Variants in NECTIN2 observed in about 807,000 individuals in gnomAD.
NECTIN2 encodes nectin-2.
A neutral mutation model predicts 56.9 loss-of-function variants in NECTIN2; 23 were observed. The observed-to-expected ratio is 0.40, with a 90% CI of 0.29 to 0.57. The LOEUF (loss-of-function observed/expected upper bound fraction) is 0.57. Among genes scored for constraint, NECTIN2 ranks in the 20% least tolerant of loss-of-function variants. The probability of loss-of-function intolerance (pLI) is 0.38; values close to 1 mark genes in which losing one functional copy is unlikely to be tolerated. For missense variants in NECTIN2, 587 were observed against 718.3 expected (o/e 0.82, Z 2.09); for synonymous variants, 302 against 313.8 (o/e 0.96, Z 0.40).
In NECTIN2 at chr19:44,873,940, G is replaced by T; in HGVS notation, c.800G>T (p.Gly267Val). ...GACCCTCCTGAAGTGTCCATCTCCG[G>T]CTATGATGACAACTGGTACCTCGGC... is the stretch of plus-strand genomic sequence containing the variant. The part of the protein sequence containing the change: ...VRYPPEVSIS[G>V]YDDNWYLGRT... The change falls in exon 4 of 9, where the codon GGC (glycine) becomes GTC (valine). Residue 267 changes from glycine to valine, a missense_variant. Transcript: ENST00000252483. 6.2e-7 allele frequency: 1 copy of T among 1,613,978 alleles called. No individual in the cohort carries two copies. Among genetic ancestry groups the T allele is most frequent in the Non-Finnish European group, 8.5e-7 (1 of 1,179,926 alleles).
At chr19:44,852,005 A>G (rs1289896187) in intron 1 of NECTIN2, among the ~76,000 whole-genome samples, 3 of 151,954 alleles carry the variant, frequency 2.0e-5, no homozygotes, top group East Asian at 3.9e-4. Context: ...TCCCATTCCA[A>G]GTTCTGAGTG....
chr19:44,867,579 G>T (rs116437673), intron 2 of NECTIN2, among the ~76,000 whole-genome samples: 28 of 152,324 alleles, frequency 1.8e-4, no homozygotes, highest in South Asian at 4.1e-4. Flanking sequence ...TGCAGGGAAG[G>T]CGTCTTAGTC....
chr19:44,856,699 T>A (rs955932726), intron 1 of NECTIN2, among the ~76,000 whole-genome samples: 4 of 152,114 alleles, frequency 2.6e-5, no homozygotes, highest in Non-Finnish European at 5.9e-5. Context: ...TCCCAGCACC[T>A]GGGGAATCTG....
intron 3 of NECTIN2, among the ~76,000 whole-genome samples, chr19:44,873,109 G>C (rs1046254640): frequency 6.6e-6 from 1 of 151,690 alleles, no homozygotes; most frequent in Admixed American, 6.6e-5. Flanking sequence ...TTCCACCACT[G>C]TCCAAAATGA....
intron 2 of NECTIN2, among the ~76,000 whole-genome samples, chr19:44,867,213 G>T (rs1215786024): frequency 6.6e-6 from 1 of 151,976 alleles, no homozygotes; most frequent in African/African-American, 2.4e-5. Flanking sequence ...GTAGAGACGG[G>T]GTTGCACCAT....
intron 1 of NECTIN2, among the ~76,000 whole-genome samples, chr19:44,848,859 C>T (rs190811141): frequency 6.6e-6 from 1 of 152,158 alleles, no homozygotes; most frequent in East Asian, 1.9e-4. Flanking sequence ...CTGCCTCCCC[C>T]GCTTGGCCTC....
At chr19:44,860,955 TAAA>T (rs35454521) in intron 1 of NECTIN2, among the ~76,000 whole-genome samples, 2 of 140,788 alleles carry the variant, frequency 1.4e-5, no homozygotes, top group Admixed American at 7.3e-5. Flanking sequence ...TAAAGCTGTT[TAAA>T]AAAAAAAAAA....
At chr19:44,853,557 C>T (rs1968927460) in intron 1 of NECTIN2, among the ~76,000 whole-genome samples, 2 of 150,424 alleles carry the variant, frequency 1.3e-5, no homozygotes, top group South Asian at 4.2e-4. Flanking sequence ...GCTGCAATCT[C>T]AGCTCACTAC....
Position 44,865,341 on chromosome 19 carries a change from GTGCCACCTGC to G in NECTIN2, c.169_178del (p.Leu57PhefsTer9). On this transcript the variant is annotated frameshift_variant, in exon 2 of 9. Transcript: ENST00000252483. LOFTEE classifies it high-confidence loss of function. This position sits in a 1 kb window ranked among gnomAD's most constrained non-coding sequence, Gnocchi z 5.2. ...AGCTCGGGGGCACCGTGGAGCTGCC[GTGCCACCTGC>G]TGCCACCTGTTCCTGGACTGTACAT... The G allele has an allele frequency of 1.2e-6, 2 of 1,614,104 alleles. No homozygotes were observed. The highest frequency in any genetic ancestry group is 1.7e-6 in the Non-Finnish European group (2 of 1,180,018).
At chr19:44,847,021 C>T (rs924169593) in intron 1 of NECTIN2, among the ~76,000 whole-genome samples, 6 of 152,034 alleles carry the variant, frequency 3.9e-5, no homozygotes, top group Non-Finnish European at 7.4e-5. Flanking sequence ...GGGGAATGTT[C>T]CCCCCACCTA....
At chr19:44,861,729 G>A (rs1969033575) in intron 1 of NECTIN2, among the ~76,000 whole-genome samples, 1 of 152,158 alleles carries the variant, frequency 6.6e-6, no homozygotes, top group Admixed American at 6.5e-5. Context: ...CAGTCATGCA[G>A]CCAACAAACA....
intron 8 of NECTIN2, 135 bp from the exon 9 acceptor site, chr19:44,887,975 C>A: frequency 1.1e-6 from 1 of 929,120 alleles, no homozygotes; most frequent in East Asian, 2.5e-5. Context: ...AATATGGCCT[C>A]AGGGGACAAG....
At chr19:44,885,693 G>A (rs1434014286) in intron 6 of NECTIN2, among the ~76,000 whole-genome samples, 2 of 152,196 alleles carry the variant, frequency 1.3e-5, no homozygotes, top group Admixed American at 1.3e-4. Flanking sequence ...AATTCAGTAA[G>A]TGCCCTGAGG....
chr19:44,860,049 G>T (rs971247120), intron 1 of NECTIN2, among the ~76,000 whole-genome samples: 1 of 152,182 alleles, frequency 6.6e-6, no homozygotes, highest in Non-Finnish European at 1.5e-5. Flanking sequence ...GCGCCGACAC[G>T]TGTTACAGAT....
intron 1 of NECTIN2, among the ~76,000 whole-genome samples, chr19:44,860,791 G>A (rs1319042583): frequency 2.0e-5 from 3 of 151,754 alleles, no homozygotes; most frequent in African/African-American, 2.4e-5. Context: ...GTATTTCACC[G>A]TGTTGGCCAG....
intron 1 of NECTIN2, among the ~76,000 whole-genome samples, chr19:44,864,309 G>A (rs182951543): frequency 6.0e-5 from 7 of 117,450 alleles, no homozygotes; most frequent in Admixed American, 5.5e-4. Flanking sequence ...GTGAGGCCCT[G>A]TCTGAGAAAA....
intron 5 of NECTIN2, chr19:44,879,008 T>A: frequency 4.1e-6 from 3 of 726,674 alleles, no homozygotes; most frequent in Non-Finnish European, 5.1e-6. Flanking sequence ...GGACAGGGAC[T>A]CCTAGGTCCC....
chr19:44,846,704 C>T, intron 1 of NECTIN2, 91 bp downstream of exon 1: 1 of 1,421,260 alleles, frequency 7.0e-7, no homozygotes, highest in Non-Finnish European at 9.3e-7. Context: ...CCCCGCCCAC[C>T]CCCGGCTCCC....
chr19:44,885,051 C>A (rs931629985), intron 6 of NECTIN2, among the ~76,000 whole-genome samples: 4 of 151,248 alleles, frequency 2.6e-5, no homozygotes, highest in African/African-American at 7.3e-5. Flanking sequence ...GGCTGGAGTG[C>A]AATGGCGCGA....
Sources: gnomAD v4.1 joint callset for allele counts (sites outside exome capture counted in the v4.1 genomes callset) on GRCh38, gnomAD v4.1.1 for gene constraint, Gnocchi (gnomAD v3.1) non-coding constraint, MANE v1.5 for transcripts, NCBI Gene and HGNC (gene_info 2026-07-23, HGNC 2026-07-21) for gene names.